CNTNAP2: variants seen among roughly 807,000 people sequenced by gnomAD.
The protein encoded by CNTNAP2 is contactin-associated protein-like 2.
CNTNAP2 carries 98 observed loss-of-function variants against 155.2 expected under a neutral mutation model. The ratio of observed to expected loss-of-function variants is 0.63; its 90% CI spans 0.54 to 0.75. CNTNAP2 has a LOEUF of 0.75. Among genes scored for constraint, CNTNAP2 ranks in the 30% least tolerant of loss-of-function variants. The probability of loss-of-function intolerance (pLI) is 0.00; values close to 1 mark genes in which losing one functional copy is unlikely to be tolerated. For missense variants in CNTNAP2, 1,727 were observed against 1,688.1 expected (o/e 1.02, Z -0.40); for synonymous variants, 651 against 631.2 (o/e 1.03, Z -0.47).
chr7:146,424,948 A>G (rs749043570), intron 1 of CNTNAP2, among the ~76,000 whole-genome samples: 5 of 152,194 alleles, frequency 3.3e-5, no homozygotes, highest in African/African-American at 4.8e-5. Flanking sequence ...TTTACAAATG[A>G]AGCCTTATAA....
At chr7:146,613,819 T>TC (rs1396396978) in intron 1 of CNTNAP2, among the ~76,000 whole-genome samples, 1 of 148,760 alleles carries the variant, frequency 6.7e-6, no homozygotes, top group Admixed American at 6.7e-5. Context: ...ACATGATCTT[T>TC]AAGTGTTCTT....
chr7:147,491,491 G>A (rs1399670286), intron 11 of CNTNAP2, among the ~76,000 whole-genome samples: 4 of 152,216 alleles, frequency 2.6e-5, no homozygotes, highest in African/African-American at 4.8e-5. Context: ...ACTAGCAATG[G>A]TTATGATTTT....
chr7:148,248,250 G>A (rs71532720), intron 20 of CNTNAP2, among the ~76,000 whole-genome samples: 2,137 of 151,414 alleles, frequency 0.014, 25 homozygotes, highest in Middle Eastern at 0.021. Flanking sequence ...CTAGGCTGGA[G>A]TGCAATGGCA....
intron 11 of CNTNAP2, among the ~76,000 whole-genome samples, chr7:147,550,414 T>C (rs1352151141): frequency 1.3e-5 from 2 of 152,210 alleles, no homozygotes; most frequent in African/African-American, 2.4e-5. Flanking sequence ...ACAATCTCTC[T>C]TGCCTGCCAC....
intron 3 of CNTNAP2, among the ~76,000 whole-genome samples, chr7:147,035,145 G>A (rs2129251740): frequency 6.6e-6 from 1 of 152,272 alleles, no homozygotes; most frequent in Non-Finnish European, 1.5e-5. Flanking sequence ...TATGGAACGA[G>A]GGGATTGAGG....
chr7:147,516,928 C>T (rs974524933), intron 11 of CNTNAP2, among the ~76,000 whole-genome samples: 1 of 146,214 alleles, frequency 6.8e-6, no homozygotes, highest in African/African-American at 2.6e-5. Flanking sequence ...GTGGCGCAAT[C>T]TCGGCTCACT....
intron 13 of CNTNAP2, among the ~76,000 whole-genome samples, chr7:147,781,501 C>A (rs1490032895): frequency 6.6e-6 from 1 of 152,174 alleles, no homozygotes; most frequent in African/African-American, 2.4e-5. Flanking sequence ...TGAAGCTTTG[C>A]AGATGGTAAA....
At chr7:147,750,334 T>C (rs1282266072) in intron 13 of CNTNAP2, among the ~76,000 whole-genome samples, 2 of 152,234 alleles carry the variant, frequency 1.3e-5, no homozygotes, top group Non-Finnish European at 2.9e-5. Context: ...AAATTATATA[T>C]GTGTATGTCT....
chr7:148,139,239 C>T (rs1467344336), intron 16 of CNTNAP2, among the ~76,000 whole-genome samples: 2 of 152,186 alleles, frequency 1.3e-5, no homozygotes, highest in Admixed American at 1.3e-4. Flanking sequence ...TGTTCATTTT[C>T]AGATGTGTTT....
intron 8 of CNTNAP2, among the ~76,000 whole-genome samples, chr7:147,178,269 G>A (rs1002441837): frequency 1.3e-5 from 2 of 152,292 alleles, no homozygotes; most frequent in African/African-American, 2.4e-5. Flanking sequence ...AAAGGAAGGA[G>A]GCAGAAGAAA....
chr7:146,306,251 A>G (rs191643380), intron 1 of CNTNAP2, among the ~76,000 whole-genome samples: 350 of 152,290 alleles, frequency 2.3e-3, no homozygotes, highest in African/African-American at 7.9e-3. Flanking sequence ...TGAGGCAATA[A>G]TTAATAGCCT....
intron 15 of CNTNAP2, among the ~76,000 whole-genome samples, chr7:147,999,319 G>A (rs891903012): frequency 1.3e-5 from 2 of 152,036 alleles, no homozygotes; most frequent in Non-Finnish European, 2.9e-5. Flanking sequence ...CAGGTGATCC[G>A]CCCACCTCGG....
intron 13 of CNTNAP2, among the ~76,000 whole-genome samples, chr7:147,732,915 T>C (rs1438458936): frequency 1.3e-5 from 2 of 152,236 alleles, no homozygotes; most frequent in Non-Finnish European, 2.9e-5. Flanking sequence ...TTTGAGTTCT[T>C]TGTAGATTCT....
At chr7:146,927,960 GTATATA>G (rs58609819) in intron 3 of CNTNAP2, among the ~76,000 whole-genome samples, 1,507 of 146,146 alleles carry the variant, frequency 0.01, 24 homozygotes, top group African/African-American at 0.036. Flanking sequence ...TAATGTGTGT[GTATATA>G]TATATATATA....
At chr7:147,153,289 G>A (rs1343354729) in intron 8 of CNTNAP2, among the ~76,000 whole-genome samples, 1 of 151,852 alleles carries the variant, frequency 6.6e-6, no homozygotes, top group Non-Finnish European at 1.5e-5. Context: ...AACTGTTGTA[G>A]AAGTAGCAAA....
intron 8 of CNTNAP2, among the ~76,000 whole-genome samples, chr7:147,278,445 A>C (rs1431805902): frequency 6.6e-6 from 1 of 151,792 alleles, no homozygotes; most frequent in Non-Finnish European, 1.5e-5. Context: ...ACTACAGAAC[A>C]ATCTGTTGAA....
intron 1 of CNTNAP2, among the ~76,000 whole-genome samples, chr7:146,465,083 C>T (rs2129125546): frequency 6.6e-6 from 1 of 152,128 alleles, no homozygotes; most frequent in Middle Eastern, 3.4e-3. Flanking sequence ...CTGCCCATCA[C>T]CGTATCCCCA....
At chr7:146,121,255 A>T (rs1030039832) in intron 1 of CNTNAP2, among the ~76,000 whole-genome samples, 1 of 150,338 alleles carries the variant, frequency 6.7e-6, no homozygotes, top group Admixed American at 6.7e-5. Context: ...CAGCCTCCCG[A>T]GTAGCTGGGA....
chr7:146,716,869 C>G (rs1455073810), intron 1 of CNTNAP2, among the ~76,000 whole-genome samples: 1 of 152,136 alleles, frequency 6.6e-6, no homozygotes, highest in African/African-American at 2.4e-5. Flanking sequence ...AAGGTCATAC[C>G]TCTATTATGC....
Sources: gnomAD v4.1 joint callset for allele counts (sites outside exome capture counted in the v4.1 genomes callset) on GRCh38, gnomAD v4.1.1 for gene constraint, MANE v1.5 for transcripts, NCBI Gene and HGNC (gene_info 2026-07-23, HGNC 2026-07-21) for gene names.